OR9Q1: variants seen among roughly 807,000 people sequenced by gnomAD.
OR9Q1 encodes the protein olfactory receptor 9Q1.
For synonymous variants in OR9Q1, 153 were observed against 148.6 expected (o/e 1.03, Z -0.22); for missense variants, 374 against 378.8 (o/e 0.99, Z 0.11).
At chr11:58,090,830 G>A (rs1343831006) in intron 2 of OR9Q1, among the ~76,000 whole-genome samples, 3 of 152,138 alleles carry the variant, frequency 2.0e-5, no homozygotes, top group African/African-American at 7.2e-5. Context: ...ACTTGTTATT[G>A]GTCTATTCAG....
At chr11:58,037,324 C>T (rs375576773) in intron 1 of OR9Q1, among the ~76,000 whole-genome samples, 1 of 152,100 alleles carries the variant, frequency 6.6e-6, no homozygotes, top group South Asian at 2.1e-4. Flanking sequence ...CACTGGGAAA[C>T]TAAAAATTTG....
chr11:58,168,707 T>G (rs1854528374), intron 2 of OR9Q1, among the ~76,000 whole-genome samples: 1 of 152,192 alleles, frequency 6.6e-6, no homozygotes, highest in Non-Finnish European at 1.5e-5. Flanking sequence ...TTGTCTTATA[T>G]GTTATTACTT....
chr11:58,058,206 A>G (rs1243099258), intron 2 of OR9Q1, among the ~76,000 whole-genome samples: 1 of 152,204 alleles, frequency 6.6e-6, no homozygotes, highest in Non-Finnish European at 1.5e-5. Flanking sequence ...GCAGGACATC[A>G]AGTTCTGATA....
intron 2 of OR9Q1, among the ~76,000 whole-genome samples, chr11:58,061,519 G>T (rs1411545208): frequency 6.6e-6 from 1 of 152,174 alleles, no homozygotes. Context: ...ATTTGTCAAG[G>T]TCACATAATC....
chr11:58,087,595 C>T (rs748409667), intron 2 of OR9Q1, among the ~76,000 whole-genome samples: 8 of 151,882 alleles, frequency 5.3e-5, no homozygotes, highest in Non-Finnish European at 4.4e-5. Flanking sequence ...ATGTGCAGAA[C>T]GTGCAGGTTT....
At chr11:58,025,313 C>A (rs1218337489) in intron 1 of OR9Q1, among the ~76,000 whole-genome samples, 2 of 152,102 alleles carry the variant, frequency 1.3e-5, no homozygotes, top group Non-Finnish European at 2.9e-5. Flanking sequence ...AGCTGGGGTG[C>A]CCGCCGTGCT....
At chr11:58,115,616 G>C (rs1454428919) in intron 2 of OR9Q1, among the ~76,000 whole-genome samples, 1 of 152,118 alleles carries the variant, frequency 6.6e-6, no homozygotes, top group Non-Finnish European at 1.5e-5. Context: ...AACTTCCCTT[G>C]AATCCCACTA....
intron 2 of OR9Q1, among the ~76,000 whole-genome samples, chr11:58,067,614 A>C (rs2120010764): frequency 6.6e-6 from 1 of 152,374 alleles, no homozygotes; most frequent in East Asian, 1.9e-4. Context: ...CCAGGGCCTC[A>C]GAAGGCCAGT....
At chr11:58,105,622 T>G (rs780250144) in intron 2 of OR9Q1, among the ~76,000 whole-genome samples, 1 of 152,150 alleles carries the variant, frequency 6.6e-6, no homozygotes, top group African/African-American at 2.4e-5. Flanking sequence ...TAAGTGTAAC[T>G]TCATATCCAT....
Position 58,179,532 on chromosome 11 carries a change from T to C in OR9Q1, c.88T>C (p.Leu30=). ...YPEWALPLFL[L]FLFMYLITVL... Reference sequence around the variant, plus strand: ...TGAATGGGCACTCCCTCTCTTCCTCTTGTTTTTATTTATGTATCTCATCAC... The same window carrying C: ...TGAATGGGCACTCCCTCTCTTCCTCCTGTTTTTATTTATGTATCTCATCAC... The change falls in exon 3 of 3, where the codon TTG becomes CTG. Residue 30 remains leucine, a synonymous_variant. Coordinates refer to ENST00000335397, the MANE Select transcript of OR9Q1 (RefSeq NM_001005212.4). 1 of 1,613,020 alleles carries C rather than the reference T, an allele frequency of 6.2e-7. No homozygotes were observed.
At chr11:58,063,133 A>G (rs969833747) in intron 2 of OR9Q1, among the ~76,000 whole-genome samples, 1 of 152,198 alleles carries the variant, frequency 6.6e-6, no homozygotes, top group African/African-American at 2.4e-5. Flanking sequence ...GAGCAGTTTC[A>G]TATAGGGCAG....
At chr11:58,101,847 A>G (rs931449863) in intron 2 of OR9Q1, among the ~76,000 whole-genome samples, 3 of 152,288 alleles carry the variant, frequency 2.0e-5, no homozygotes, top group Admixed American at 6.5e-5. Context: ...CCCAGGTTCA[A>G]GAGATTCTCC....
chr11:58,032,936 G>C (rs1421418686), intron 1 of OR9Q1, among the ~76,000 whole-genome samples: 1 of 152,190 alleles, frequency 6.6e-6, no homozygotes, highest in Non-Finnish European at 1.5e-5. Flanking sequence ...CCATTAAAAA[G>C]TGGGTAGAGG....
chr11:58,109,711 C>T, intron 2 of OR9Q1: 1 of 386,710 alleles, frequency 2.6e-6, no homozygotes, highest in Non-Finnish European at 5.1e-6. Context: ...ATTGAGATTC[C>T]AGAACTAAAG....
At chr11:58,115,949 T>G (rs1232637276) in intron 2 of OR9Q1, among the ~76,000 whole-genome samples, 1 of 152,194 alleles carries the variant, frequency 6.6e-6, no homozygotes, top group Non-Finnish European at 1.5e-5. Context: ...CATTTACTTG[T>G]GTGATTTAAA....
intron 2 of OR9Q1, among the ~76,000 whole-genome samples, chr11:58,101,853 T>A (rs984607923): frequency 6.6e-6 from 1 of 152,196 alleles, no homozygotes; most frequent in African/African-American, 2.4e-5. Flanking sequence ...TTCAAGAGAT[T>A]CTCCTGCCTC....
chr11:58,047,287 G>A (rs7930102), intron 1 of OR9Q1: 32,759 of 152,042 alleles, frequency 0.22, 4,088 homozygotes, highest in Middle Eastern at 0.37. Context: ...GGTGCTGTGT[G>A]GTCTTGGTTC....
At chr11:58,147,980 T>G (rs1854314903) in intron 2 of OR9Q1, among the ~76,000 whole-genome samples, 1 of 152,148 alleles carries the variant, frequency 6.6e-6, no homozygotes, top group Non-Finnish European at 1.5e-5. Flanking sequence ...TTTTAAGAAC[T>G]AGGCTTTGGA....
At chr11:58,160,748 C>A (rs1301719541) in intron 2 of OR9Q1, among the ~76,000 whole-genome samples, 1 of 152,168 alleles carries the variant, frequency 6.6e-6, no homozygotes, top group Non-Finnish European at 1.5e-5. Context: ...TTTGAGATAG[C>A]TTTCCCTAGC....
Sources: allele counts gnomAD v4.1 joint callset (sites outside exome capture counted in the v4.1 genomes callset), GRCh38; gene constraint gnomAD v4.1.1; transcripts MANE v1.5; gene names NCBI Gene and HGNC (gene_info 2026-07-23, HGNC 2026-07-21).